The following GLIS3 variants were observed in gnomAD, a reference collection of about 807,000 sequenced individuals.
GLIS3 encodes the protein zinc finger protein GLIS3.
A neutral mutation model predicts 78.6 loss-of-function variants in GLIS3; 53 were observed. The observed-to-expected ratio is 0.67, with a 90% confidence interval of 0.54 to 0.85. The LOEUF (loss-of-function observed/expected upper bound fraction) is 0.85, where lower values mean the gene tolerates loss of function less well. Ranked by LOEUF, GLIS3 falls within the 40% of genes least tolerant of loss-of-function variation. The probability of loss-of-function intolerance (pLI) is 0.00; values close to 1 mark genes in which losing one functional copy is unlikely to be tolerated. For missense variants in GLIS3, 1,703 were observed against 1,231.1 expected (o/e 1.38, Z -5.74); for synonymous variants, 684 against 509.9 (o/e 1.34, Z -4.60).
chr9:4,284,533 A>G (rs1827817887), intron 2 of GLIS3, among the ~76,000 whole-genome samples: 1 of 152,048 alleles, frequency 6.6e-6, no homozygotes, highest in Admixed American at 6.6e-5. Context: ...ACTTTCTCCT[A>G]TACTTATGCT....
rs117510596 is a variant in GLIS3 at position 4,237,237 on chromosome 9, T to G, written c.388+48801A>C. Among the ~76,000 whole-genome samples the G allele has an allele frequency of 2.0e-5, 3 of 152,208 alleles. No homozygotes were observed. In the East Asian group the frequency reaches 5.8e-4, roughly 29 times the overall value. On this transcript the variant is annotated intron_variant, in intron 2 of 10. Transcript: ENST00000381971. Reference sequence around the variant, plus strand: ...TCCTTCAAAATAACCTAAAACGCCTTTGAAATAATTTAAATATTAAAGGCA... The same window carrying G: ...TCCTTCAAAATAACCTAAAACGCCTGTGAAATAATTTAAATATTAAAGGCA...
Position 4,015,888 on chromosome 9 carries a change from CAAAAAAA to C in GLIS3, c.1711-78706_1711-78700del, listed in dbSNP as rs1049791263. Among the ~76,000 whole-genome samples the C allele has an allele frequency of 2.2e-4, 7 of 32,250 alleles. No individual in the cohort carries two copies. In the South Asian group the frequency reaches 3.5e-3, roughly 16 times the overall value. 21.2% of individuals were successfully genotyped at this position (32,250 alleles called of 152,430 possible). On this transcript the variant is annotated intron_variant, in intron 4 of 10. Transcript: ENST00000381971. ...TGAGTGACAGAGCGAGACTCTGTCT[CAAAAAAA>C]AAAAAAAAAAAAAAAAAGATTTTCC...
At chr9:4,234,791 T>G (rs1304903897) in intron 2 of GLIS3, among the ~76,000 whole-genome samples, 1 of 152,178 alleles carries the variant, frequency 6.6e-6, no homozygotes, top group African/African-American at 2.4e-5. Context: ...GTGTGTTTAT[T>G]GTTAATATAA....
intron 2 of GLIS3, among the ~76,000 whole-genome samples, chr9:4,314,319 C>T (rs1817407997): frequency 1.3e-5 from 2 of 152,202 alleles, no homozygotes; most frequent in African/African-American, 2.4e-5. Context: ...TTCTCCCAGG[C>T]TGCATGTCTT....
chr9:4,242,720 G>C (rs1823433748), intron 2 of GLIS3, among the ~76,000 whole-genome samples: 2 of 152,098 alleles, frequency 1.3e-5, no homozygotes, highest in African/African-American at 4.8e-5. Context: ...AGGAACAGAG[G>C]TGTGCTGTAT....
chr9:4,330,348 G>C (rs555814995), intron 2 of GLIS3, among the ~76,000 whole-genome samples: 1 of 152,366 alleles, frequency 6.6e-6, no homozygotes, highest in South Asian at 2.1e-4. Context: ...AATAGGTCTG[G>C]CACAGGCCCT....
At chr9:4,159,154 G>A (rs977420617) in intron 2 of GLIS3, among the ~76,000 whole-genome samples, 7 of 151,978 alleles carry the variant, frequency 4.6e-5, no homozygotes, top group African/African-American at 1.7e-4. Context: ...TTGAGAACAG[G>A]GCCTGTATAT....
intron 4 of GLIS3, among the ~76,000 whole-genome samples, chr9:3,969,064 A>G (rs562410005): frequency 6.6e-6 from 1 of 152,318 alleles, no homozygotes; most frequent in East Asian, 1.9e-4. Flanking sequence ...TGTTTGAGTC[A>G]CAGAACTAAA....
intron 9 of GLIS3, among the ~76,000 whole-genome samples, chr9:3,842,754 T>C (rs1383997439): frequency 2.6e-5 from 4 of 152,250 alleles, no homozygotes; most frequent in Non-Finnish European, 4.4e-5. Flanking sequence ...TCTTAAAAGT[T>C]TGAGAGGCTC....
chr9:4,125,370 G>A (rs16920719), intron 3 of GLIS3, among the ~76,000 whole-genome samples: 2 of 152,120 alleles, frequency 1.3e-5, no homozygotes, highest in Non-Finnish European at 2.9e-5. Context: ...AAACCTGGCA[G>A]GTAAGATAGG....
chr9:4,124,487 C>T (rs1832418828), intron 3 of GLIS3, among the ~76,000 whole-genome samples: 2 of 152,192 alleles, frequency 1.3e-5, no homozygotes, highest in South Asian at 2.1e-4. Context: ...TTCCCAATGA[C>T]ACCCACCCCA....
chr9:4,332,348 C>T (rs1306182005), intron 2 of GLIS3, among the ~76,000 whole-genome samples: 1 of 152,206 alleles, frequency 6.6e-6, no homozygotes, highest in African/African-American at 2.4e-5. Context: ...CACCTTCTTC[C>T]TCTCAGTGAC....
At chr9:3,865,416 G>C (rs965180472) in intron 8 of GLIS3, among the ~76,000 whole-genome samples, 5 of 152,240 alleles carry the variant, frequency 3.3e-5, no homozygotes, top group Admixed American at 6.5e-5. Flanking sequence ...TTCTATGTCA[G>C]AGAGGAAGCA....
the GLIS3 span, among the ~76,000 whole-genome samples, chr9:4,364,756 CT>C: frequency 0.14 from 8,442 of 60,012 alleles, 359 homozygotes; most frequent in Middle Eastern, 0.25. Context: ...TCATGTATTG[CT>C]TTTTTTTTTT....
chr9:4,341,733 C>G (rs1165715043), intron 2 of GLIS3, among the ~76,000 whole-genome samples: 4 of 152,214 alleles, frequency 2.6e-5, no homozygotes, highest in African/African-American at 9.6e-5. Context: ...CTCCTATGAA[C>G]AAGCAATCAG....
chr9:4,323,977 G>C (rs1380646143), intron 2 of GLIS3, among the ~76,000 whole-genome samples: 1 of 152,118 alleles, frequency 6.6e-6, no homozygotes, highest in Non-Finnish European at 1.5e-5. Flanking sequence ...CATTTACTCA[G>C]TTTCAAAAAT....
intron 4 of GLIS3, among the ~76,000 whole-genome samples, chr9:4,089,239 T>C (rs765393232): frequency 6.6e-6 from 1 of 152,180 alleles, no homozygotes; most frequent in Non-Finnish European, 1.5e-5. Context: ...AATGGAACAG[T>C]ACTAACAAGA....
intron 2 of GLIS3, among the ~76,000 whole-genome samples, chr9:4,312,283 C>T (rs539640083): frequency 1.3e-5 from 2 of 152,328 alleles, no homozygotes; most frequent in Middle Eastern, 6.8e-3. Flanking sequence ...TCCTGGCCAA[C>T]ATGGCAAAAC....
intron 2 of GLIS3, among the ~76,000 whole-genome samples, chr9:4,266,711 C>T (rs1403009114): frequency 2.0e-5 from 3 of 152,048 alleles, no homozygotes; most frequent in Admixed American, 2.0e-4. Context: ...AGTTATTTTA[C>T]TCCAAAATAT....
Sources: gnomAD v4.1 joint callset for allele counts (sites outside exome capture counted in the v4.1 genomes callset) on GRCh38, gnomAD v4.1.1 for gene constraint, MANE v1.5 for transcripts, NCBI Gene and HGNC (gene_info 2026-07-23, HGNC 2026-07-21) for gene names.